Variants in ENOX1 observed in about 807,000 individuals in gnomAD.
ENOX1 encodes ecto-NOX disulfide-thiol exchanger 1.
In ENOX1, 42 loss-of-function variants were observed where a neutral mutation model predicts 82.5. That is an observed-to-expected ratio of 0.51 (90% CI 0.40 to 0.66). ENOX1 has a LOEUF of 0.66. Ranked by LOEUF, ENOX1 falls within the 30% of genes least tolerant of loss-of-function variation. The pLI, the probability that ENOX1 is intolerant of heterozygous loss-of-function variation, is 0.00. For missense variants in ENOX1, 608 were observed against 811.6 expected, an observed-to-expected ratio of 0.75 and a Z score of 3.05; for synonymous variants, 271 against 282.2, an observed-to-expected ratio of 0.96 and a Z score of 0.40.
At chr13:43,760,715 C>A (rs1187159870) in intron 1 of ENOX1, among the ~76,000 whole-genome samples, 2 of 152,020 alleles carry the variant, frequency 1.3e-5, no homozygotes, top group African/African-American at 4.8e-5. Context: ...AAACAACTGT[C>A]ATCATATATA....
At chr13:43,519,099 C>T (rs1009452258) in intron 2 of ENOX1, among the ~76,000 whole-genome samples, 1 of 152,094 alleles carries the variant, frequency 6.6e-6, no homozygotes, top group South Asian at 2.1e-4. Context: ...AACAACAACC[C>T]TGAGCATTAG....
chr13:43,386,135 C>T (rs2052397653), intron 5 of ENOX1, among the ~76,000 whole-genome samples: 1 of 152,154 alleles, frequency 6.6e-6, no homozygotes, highest in Admixed American at 6.5e-5. Flanking sequence ...CACTGCATTC[C>T]AGCCTGGGCG....
chr13:43,708,089 G>C (rs907580994), intron 1 of ENOX1, among the ~76,000 whole-genome samples: 3 of 152,166 alleles, frequency 2.0e-5, no homozygotes, highest in Non-Finnish European at 4.4e-5. Flanking sequence ...GATGATCAGC[G>C]GCTTCCTAAT....
chr13:43,534,164 C>A (rs2153690108), intron 2 of ENOX1, among the ~76,000 whole-genome samples: 1 of 152,170 alleles, frequency 6.6e-6, no homozygotes, highest in African/African-American at 2.4e-5. Flanking sequence ...CACTTTAGAT[C>A]CTCAAGAAAT....
intron 1 of ENOX1, among the ~76,000 whole-genome samples, chr13:43,782,544 A>C (rs1431082970): frequency 6.6e-6 from 1 of 152,202 alleles, no homozygotes; most frequent in African/African-American, 2.4e-5. Context: ...CTACAAATCT[A>C]CTAAAGTACG....
chr13:43,638,473 G>C (rs576023331), intron 2 of ENOX1, among the ~76,000 whole-genome samples: 2 of 152,114 alleles, frequency 1.3e-5, no homozygotes, highest in Admixed American at 1.3e-4. Flanking sequence ...ACTGCACTGA[G>C]CTCTAGCAAA....
intron 12 of ENOX1, among the ~76,000 whole-genome samples, chr13:43,286,958 T>C (rs983746594): frequency 3.3e-5 from 5 of 152,194 alleles, no homozygotes; most frequent in Non-Finnish European, 5.9e-5. Context: ...GCTGTCTTGA[T>C]GACTGCAGTT....
intron 2 of ENOX1, among the ~76,000 whole-genome samples, chr13:43,659,737 T>C (rs1057041255): frequency 6.6e-6 from 1 of 152,160 alleles, no homozygotes; most frequent in Non-Finnish European, 1.5e-5. Context: ...GAATCCCTGA[T>C]ATCAGTATCC....
rs2044327199 is a variant in ENOX1 at position 43,265,572 on chromosome 13, G to C, written c.1555-118C>G. Reference sequence around the variant, plus strand: ...GGTTGCATTTTATAAAACTTCCAATGAGATAAAACAGATGGAGCACATATT... The same window carrying C: ...GGTTGCATTTTATAAAACTTCCAATCAGATAAAACAGATGGAGCACATATT... On this transcript the variant is annotated intron_variant, in intron 13 of 16. Coordinates refer to ENST00000690772, the MANE Select transcript of ENOX1 (RefSeq NM_001347969.2). 4 of 780,600 alleles carry C rather than the reference G, an allele frequency of 5.1e-6. No individual in the cohort carries two copies. The African/African-American group carries it at 6.9e-5, about 13-fold the overall frequency. 48.4% of individuals were successfully genotyped at this position (780,600 alleles called of 1,614,324 possible). A position where few individuals can be genotyped will look rare whatever the true frequency, so the allele number is the denominator to read the frequency against.
chr13:43,341,516 G>GGA (rs1407909111), intron 9 of ENOX1, among the ~76,000 whole-genome samples: 1 of 152,138 alleles, frequency 6.6e-6, no homozygotes, highest in Non-Finnish European at 1.5e-5. Context: ...AGGGGCCAGT[G>GGA]GAAATGATGC....
intron 9 of ENOX1, among the ~76,000 whole-genome samples, chr13:43,331,048 G>A (rs1002399583): frequency 2.0e-5 from 3 of 152,170 alleles, no homozygotes; most frequent in Admixed American, 6.5e-5. Flanking sequence ...GGGAGGGAAA[G>A]CTCAGAACAG....
chr13:43,381,324 C>T (rs2052025284), intron 5 of ENOX1, among the ~76,000 whole-genome samples: 1 of 150,890 alleles, frequency 6.6e-6, no homozygotes. Flanking sequence ...AAACAAGAAA[C>T]CAAAAGGGAA....
intron 9 of ENOX1, among the ~76,000 whole-genome samples, chr13:43,334,573 A>G (rs1433543817): frequency 6.6e-6 from 1 of 151,970 alleles, no homozygotes; most frequent in Admixed American, 6.6e-5. Flanking sequence ...GGCTTAAAGG[A>G]CCCCTTGGCT....
intron 14 of ENOX1, among the ~76,000 whole-genome samples, chr13:43,241,307 T>G (rs1391743124): frequency 6.6e-6 from 1 of 152,218 alleles, no homozygotes; most frequent in Non-Finnish European, 1.5e-5. Context: ...TTTAGCCTGA[T>G]AGATGCAACA....
chr13:43,247,860 TATATATATATATATA>T (rs2043194950), intron 14 of ENOX1, among the ~76,000 whole-genome samples: 49 of 3,940 alleles, frequency 0.012, 3 homozygotes, highest in South Asian at 0.071. Flanking sequence ...TATATATATA[TATATATATATATATA>T]TATATATATT....
chr13:43,771,703 T>C (rs1951612470), intron 1 of ENOX1, among the ~76,000 whole-genome samples: 1 of 152,158 alleles, frequency 6.6e-6, no homozygotes, highest in African/African-American at 2.4e-5. Flanking sequence ...CCAGAGTTTG[T>C]AGAATCTTCC....
intron 2 of ENOX1, among the ~76,000 whole-genome samples, chr13:43,640,091 T>C (rs191594036): frequency 1.7e-4 from 26 of 152,338 alleles, no homozygotes; most frequent in African/African-American, 5.5e-4. Flanking sequence ...GAAATACATA[T>C]TCTGGCCAAC....
chr13:43,380,925 T>G (rs993987831), intron 5 of ENOX1, among the ~76,000 whole-genome samples: 6 of 151,780 alleles, frequency 4.0e-5, no homozygotes, highest in South Asian at 2.1e-4. Context: ...ACTAATAAAA[T>G]GGAAAGCTGA....
chr13:43,230,491 A>T (rs1026487243), intron 15 of ENOX1, among the ~76,000 whole-genome samples: 1 of 152,170 alleles, frequency 6.6e-6, no homozygotes, highest in African/African-American at 2.4e-5. Flanking sequence ...ATTGATGCAC[A>T]TGATGCTCCA....
Sources: allele counts gnomAD v4.1 joint callset (sites outside exome capture counted in the v4.1 genomes callset), GRCh38; gene constraint gnomAD v4.1.1; transcripts MANE v1.5; gene names NCBI Gene and HGNC (gene_info 2026-07-23, HGNC 2026-07-21).